The following OTOG variants were observed in gnomAD, a reference collection of about 807,000 sequenced individuals.
OTOG encodes otogelin.
In OTOG, 296 loss-of-function variants were observed where a neutral mutation model predicts 313.8. The observed-to-expected ratio is 0.94, with a 90% CI of 0.86 to 1.04. The LOEUF is 1.04. Among genes scored for constraint, OTOG ranks in the 50% least tolerant of loss-of-function variants. The pLI is 0.00. For missense variants in OTOG, 3,948 were observed against 3,840.1 expected (o/e 1.03, Z -0.74); for synonymous variants, 1,533 against 1,554.9 (o/e 0.99, Z 0.33).
At chr11:17,629,682 G>A (rs1854068922) in intron 40 of OTOG, among the ~76,000 whole-genome samples, 1 of 152,142 alleles carries the variant, frequency 6.6e-6, no homozygotes, top group African/African-American at 2.4e-5. Flanking sequence ...CTGAGAGATG[G>A]CCATTAGTAT....
chr11:17,587,736 C>G (rs1344835301), intron 24 of OTOG, among the ~76,000 whole-genome samples: 1 of 152,152 alleles, frequency 6.6e-6, no homozygotes, highest in African/African-American at 2.4e-5. Context: ...CCAGAAGTCC[C>G]TGGGTATAAT....
chr11:17,574,886 C>T lies in OTOG; in HGVS notation c.2460C>T (p.Asp820=), dbSNP rs374400241. Residue 820 remains aspartate (D), a synonymous_variant, in exon 20 of 56, where the codon GAC becomes GAT. Transcript: ENST00000399397. Reference sequence around the variant, plus strand: ...CCTGCCCACCGGACACCTATCTGGACACCCAGGCTGACCTCTGTGTCCCCC... The same window carrying T: ...CCTGCCCACCGGACACCTATCTGGATACCCAGGCTGACCTCTGTGTCCCCC... ...GCACPPDTYL[D]TQADLCVPRN... is the part of the protein sequence containing the mutation. 8 of 1,530,998 alleles carry T rather than the reference C, an allele frequency of 5.2e-6. No individual in the cohort carries two copies. The highest frequency in any genetic ancestry group is 4.9e-5 in the East Asian group (2 of 40,408). 94.8% of individuals were successfully genotyped at this position (1,530,998 alleles called of 1,614,324 possible). A position where few individuals can be genotyped will look rare whatever the true frequency, so the allele number is the denominator to read the frequency against.
rs1853476421 is a variant in OTOG at position 17,609,716 on chromosome 11, T to C, written c.4416T>C (p.Ser1472=). 2 of 1,537,732 alleles carry C rather than the reference T, an allele frequency of 1.3e-6. No homozygotes were observed. ...EALGNETLPP[S]QGLPTPSDEE... is the part of the protein sequence containing the mutation. ...TTGGCAATGAGACCCTCCCTCCCAG[T>C]CAAGGGTTGCCCACTCCCAGTGATG... is the stretch of plus-strand genomic sequence containing the variant. Residue 1472 remains serine (S), a synonymous_variant, in exon 36 of 56, where the codon AGT becomes AGC. Transcript: ENST00000399397.
chr11:17,583,861 T>G (rs1852732249), intron 23 of OTOG, among the ~76,000 whole-genome samples: 2 of 152,294 alleles, frequency 1.3e-5, no homozygotes, highest in Admixed American at 1.3e-4. Flanking sequence ...GCCCCTGAGA[T>G]TTTGAATGAA....
At chr11:17,622,632 C>A (rs1357062020) in intron 39 of OTOG, among the ~76,000 whole-genome samples, 1 of 152,174 alleles carries the variant, frequency 6.6e-6, no homozygotes, top group Admixed American at 6.5e-5. Flanking sequence ...CTGCTTATTT[C>A]ATTTAACATA....
At chr11:17,574,459 G>C (rs762869414) in intron 19 of OTOG, among the ~76,000 whole-genome samples, 13 of 152,164 alleles carry the variant, frequency 8.5e-5, no homozygotes, top group Non-Finnish European at 1.6e-4. Context: ...TTGGAGGAAA[G>C]GACCTGCCAG....
At chr11:17,613,826 T>A (rs939340690) in intron 39 of OTOG, 125 bp downstream of exon 39, 2 of 728,246 alleles carry the variant, frequency 2.7e-6, no homozygotes, top group Admixed American at 5.0e-5. Context: ...GGGGACCTTT[T>A]TTTAGAAAAT....
rs1023628170 is a variant in OTOG, at chr11:17,591,488, C to T, written c.2906C>T (p.Pro969Leu). The change falls in exon 25 of 56, where the codon CCT (proline) becomes CTT (leucine). Residue 969 changes from proline (P) to leucine (L), a missense_variant. Transcript: ENST00000399397. ...QRGSFQCTLHPCASTCTAYGD... is the reference protein window; with the variant it reads ...QRGSFQCTLHLCASTCTAYGD... ...GGCTCATTCCAGTGCACCCTGCACC[C>T]TTGCGCCTCCACCTGCACTGCCTAT... 6.4e-7 allele frequency: 1 copy of T among 1,550,584 alleles called. No individual in the cohort carries two copies. Among genetic ancestry groups the T allele is most frequent in the Non-Finnish European group, 8.7e-7 (1 of 1,147,040 alleles).
chr11:17,577,242 T>C (rs954095701), intron 22 of OTOG, among the ~76,000 whole-genome samples: 5 of 152,230 alleles, frequency 3.3e-5, no homozygotes, highest in African/African-American at 1.2e-4. Context: ...GTTTTCTGTC[T>C]GAGCTGTCAT....
Position 17,609,214 on chromosome 11 carries a change from G to C in OTOG, c.4354+5G>C. The C allele has an allele frequency of 6.5e-7, 1 of 1,550,090 alleles. No homozygotes were observed. The highest frequency in any genetic ancestry group is 8.7e-7 in the Non-Finnish European group (1 of 1,146,512). On this transcript the variant is annotated splice_donor_5th_base_variant and intron_variant, in intron 35 of 55. Coordinates refer to ENST00000399397, the MANE Select transcript of OTOG (RefSeq NM_001292063.2). The stretch of plus-strand genomic sequence containing the variant: ...GATGTGTCTACTTGGAGGACTGTAA[G>C]TGGCCCAGACTTCTCATCCTTCCCT...
intron 20 of OTOG, 123 bp downstream of exon 20, chr11:17,575,035 C>A: frequency 9.9e-7 from 1 of 1,008,042 alleles, no homozygotes; most frequent in Non-Finnish European, 1.4e-6. Flanking sequence ...CAGTTGCAGG[C>A]CAGACCTTGG....
chr11:17,631,917 C>A lies in OTOG; in HGVS notation c.6928C>A (p.Arg2310Ser), dbSNP rs896254817. The change falls in exon 41 of 56, where the codon CGC becomes AGC. Residue 2310 changes from arginine to serine, a missense_variant. Physicochemically the swap from Arg to Ser is moderately radical, Grantham distance 110 (BLOSUM62 -1). Transcript: ENST00000399397. ...VSNRTFSACH[R>S]FVPPESFCEL... The stretch of plus-strand genomic sequence containing the variant: ...CAACCGCACCTTCAGTGCCTGCCAC[C>A]GCTTTGTATGTGCCAACTGGGTCCA... The A allele has an allele frequency of 1.1e-5, 17 of 1,549,504 alleles. No homozygotes were observed. The highest frequency in any genetic ancestry group is 3.9e-5 in the Admixed American group (2 of 50,992).
At chr11:17,582,138 A>G (rs1852683560) in intron 23 of OTOG, among the ~76,000 whole-genome samples, 1 of 152,188 alleles carries the variant, frequency 6.6e-6, no homozygotes, top group South Asian at 2.1e-4. Context: ...TGTATATATC[A>G]TCATAATTAA....
intron 15 of OTOG, 53 bp from the exon 16 acceptor site, chr11:17,569,103 T>A (rs1852351240): frequency 1.9e-6 from 3 of 1,547,050 alleles, no homozygotes; most frequent in Non-Finnish European, 1.7e-6. Flanking sequence ...CTCTGTTGTA[T>A]CCAGCAGGAG....
At chr11:17,568,519 CA>C in intron 15 of OTOG, among the ~76,000 whole-genome samples, 1 of 152,222 alleles carries the variant, frequency 6.6e-6, no homozygotes, top group East Asian at 1.9e-4. Flanking sequence ...GTGTCCCACA[CA>C]AGTATGTAAT....
At position 17,642,176 on chromosome 11, in the gene OTOG, C is replaced by T. The variant is rs188322721; in HGVS notation, c.8345C>T (p.Thr2782Met). The change falls in exon 53 of 56, where the codon ACG (threonine) becomes ATG (methionine). Residue 2782 changes from threonine (T) to methionine (M), a missense_variant. Transcript: ENST00000399397. ...ADCARHHCSS[T>M]PLGAVLVRSP... ...TGCGCCCGCCACCACTGCAGCAGCACGCCCCTGGGTGCCGTGCTGGTCCGC... is the reference window on the plus strand; with the variant it reads ...TGCGCCCGCCACCACTGCAGCAGCATGCCCCTGGGTGCCGTGCTGGTCCGC... The T allele has an allele frequency of 7.3e-5, 113 of 1,550,252 alleles. 1 individual carries two copies. Among genetic ancestry groups the T allele is most frequent in the East Asian group, 2.7e-4 (11 of 40,910 alleles).
In OTOG at chr11:17,641,496, A is replaced by C. The variant is rs148423759; in HGVS notation, c.8191-351A>C. Among the ~76,000 whole-genome samples the C allele has an allele frequency of 3.2e-4, 48 of 152,264 alleles. 1 individual carries two copies. The Middle Eastern group carries it at 0.01, about 32-fold the overall frequency. ...TATTACTTGGATAAAGAAGGTTAGA[A>C]TTATTCCCATTTTTCAGAGGAGAAA... is the stretch of plus-strand genomic sequence containing the variant. On this transcript the variant is annotated intron_variant, in intron 51 of 55. Transcript: ENST00000399397.
intron 47 of OTOG, among the ~76,000 whole-genome samples, chr11:17,636,567 A>G (rs1371986656): frequency 6.6e-6 from 1 of 152,144 alleles, no homozygotes; most frequent in East Asian, 1.9e-4. Flanking sequence ...ATCCCATGAG[A>G]GTTGCCCAGA....
intron 16 of OTOG, 62 bp downstream of exon 16, chr11:17,569,350 G>A (rs1852359027): frequency 6.5e-7 from 1 of 1,540,174 alleles, no homozygotes; most frequent in African/African-American, 1.4e-5. Context: ...TCTCTTCCCA[G>A]GATCCTCTGG....
Sources: allele counts gnomAD v4.1 joint callset (sites outside exome capture counted in the v4.1 genomes callset), GRCh38; gene constraint gnomAD v4.1.1; transcripts MANE v1.5; gene names NCBI Gene and HGNC (gene_info 2026-07-23, HGNC 2026-07-21).